The following CREB5 variants were observed in gnomAD, a reference collection of about 807,000 sequenced individuals.
CREB5 encodes the protein cAMP responsive element binding protein 5.
In CREB5, 19 loss-of-function variants were observed where a neutral mutation model predicts 57.1. That is an observed-to-expected ratio of 0.33 (90% confidence interval 0.23 to 0.49). CREB5 has a LOEUF of 0.49. CREB5 is among the 20% of genes least tolerant of loss of function. The pLI is 0.99. For missense variants in CREB5, 579 were observed against 671.6 expected, an observed-to-expected ratio of 0.86 and a Z score of 1.52; for synonymous variants, 238 against 238.3, an observed-to-expected ratio of 1.00 and a Z score of 0.01.
At chr7:28,650,599 C>G (rs189523153) in intron 5 of CREB5, among the ~76,000 whole-genome samples, 62 of 152,190 alleles carry the variant, frequency 4.1e-4, no homozygotes, top group South Asian at 4.2e-4. Context: ...CTTCCCCCCC[C>G]AACCTTCCAT....
intron 5 of CREB5, among the ~76,000 whole-genome samples, chr7:28,608,149 ACACACACT>A (rs1797234615): frequency 6.8e-6 from 1 of 146,250 alleles, no homozygotes; most frequent in African/African-American, 2.6e-5. Context: ...ACACACACAC[ACACACACT>A]CTCAAACTTT....
intron 9 of CREB5, among the ~76,000 whole-genome samples, chr7:28,814,275 A>G (rs762738967): frequency 1.4e-4 from 22 of 152,236 alleles, no homozygotes; most frequent in Non-Finnish European, 2.6e-4. Context: ...AATCCTTAAG[A>G]TGATTATGCA....
intron 4 of CREB5, among the ~76,000 whole-genome samples, chr7:28,545,605 A>C (rs190297632): frequency 3.3e-4 from 50 of 152,358 alleles, no homozygotes; most frequent in Non-Finnish European, 6.5e-4. Flanking sequence ...ATATGTATAT[A>C]TATTTTAAGT....
At chr7:28,691,126 A>G (rs1006238430) in intron 5 of CREB5, among the ~76,000 whole-genome samples, 9 of 152,204 alleles carry the variant, frequency 5.9e-5, no homozygotes, top group African/African-American at 2.2e-4. Flanking sequence ...GCTTGAATAA[A>G]AGAAGTTTGT....
intron 8 of CREB5, among the ~76,000 whole-genome samples, chr7:28,805,404 A>T (rs1200827594): frequency 1.3e-5 from 2 of 152,086 alleles, no homozygotes; most frequent in Admixed American, 1.3e-4. Context: ...AATGACTTTC[A>T]TCCATACCTT....
At chr7:28,542,580 G>A (rs145398046) in intron 4 of CREB5, among the ~76,000 whole-genome samples, 266 of 152,268 alleles carry the variant, frequency 1.7e-3, no homozygotes, top group Middle Eastern at 0.01. Flanking sequence ...GCACGGGTGT[G>A]TGTGTGAGTG....
chr7:28,462,833 T>C (rs992242994), intron 1 of CREB5, among the ~76,000 whole-genome samples: 3 of 152,180 alleles, frequency 2.0e-5, no homozygotes, highest in South Asian at 2.1e-4. Flanking sequence ...CTACCAGATA[T>C]ATGATTTGCA....
chr7:28,687,999 G>A lies in CREB5; in HGVS notation c.465-30754G>A, dbSNP rs146320184. On this transcript the variant is annotated intron_variant, in intron 5 of 10. Coordinates refer to ENST00000357727, the MANE Select transcript of CREB5 (RefSeq NM_182898.4). ...GTCTCTTTCCACTCGAAAGTTCTAT[G>A]TTTATATCCATGTTCTATACAAAAG... Among the ~76,000 whole-genome samples the A allele has an allele frequency of 2.9e-3, 440 of 152,266 alleles. 5 individuals carry two copies. The highest frequency in any genetic ancestry group is 0.01 in the African/African-American group (421 of 41,552).
chr7:28,356,133 C>T (rs552097019), intron 1 of CREB5, among the ~76,000 whole-genome samples: 3 of 152,286 alleles, frequency 2.0e-5, no homozygotes, highest in East Asian at 3.9e-4. Flanking sequence ...TAGGAAAGAA[C>T]GGCACTTTTC....
chr7:28,512,026 A>G (rs1792724460), intron 4 of CREB5, among the ~76,000 whole-genome samples: 1 of 152,142 alleles, frequency 6.6e-6, no homozygotes. Flanking sequence ...GATGGTTTAG[A>G]TTGGGAAGTA....
intron 1 of CREB5, among the ~76,000 whole-genome samples, chr7:28,343,374 A>T (rs900616933): frequency 3.9e-5 from 6 of 152,204 alleles, no homozygotes; most frequent in African/African-American, 1.4e-4. Flanking sequence ...AGACCCTGGT[A>T]ACCACTTTTC....
chr7:28,730,558 G>A (rs1175883881), intron 7 of CREB5, among the ~76,000 whole-genome samples: 1 of 152,124 alleles, frequency 6.6e-6, no homozygotes, highest in East Asian at 1.9e-4. Context: ...CATGCAGTTG[G>A]TAAAATATGG....
intron 5 of CREB5, among the ~76,000 whole-genome samples, chr7:28,673,964 T>C (rs762526181): frequency 6.6e-6 from 1 of 152,030 alleles, no homozygotes; most frequent in African/African-American, 2.4e-5. Context: ...GTGGCTGCCA[T>C]GTCCAACCAA....
chr7:28,734,112 G>A (rs1583635552), intron 7 of CREB5, among the ~76,000 whole-genome samples: 1 of 149,914 alleles, frequency 6.7e-6, no homozygotes, highest in African/African-American at 2.5e-5. Flanking sequence ...GACCCCTGGT[G>A]TGGCACCATC....
At chr7:28,671,261 GAA>G (rs565901522) in intron 5 of CREB5, among the ~76,000 whole-genome samples, 32 of 134,616 alleles carry the variant, frequency 2.4e-4, no homozygotes, top group Admixed American at 8.9e-4. Context: ...GTCTCAAAAA[GAA>G]AAAAAAAAAA....
At chr7:28,449,021 C>G (rs568363828) in intron 1 of CREB5, among the ~76,000 whole-genome samples, 107 of 152,254 alleles carry the variant, frequency 7.0e-4, no homozygotes, top group Middle Eastern at 3.4e-3. Flanking sequence ...TAAGCATTAC[C>G]TACTCCTCTT....
chr7:28,466,289 T>TCTCCAAGATAATGTC (rs1312531937), intron 1 of CREB5, among the ~76,000 whole-genome samples: 2 of 151,506 alleles, frequency 1.3e-5, no homozygotes, highest in African/African-American at 4.9e-5. Flanking sequence ...ATGATAATGT[T>TCTCCAAGATAATGTC]CTCCAAGATA....
chr7:28,342,919 C>T (rs1459376579), intron 1 of CREB5, among the ~76,000 whole-genome samples: 1 of 151,936 alleles, frequency 6.6e-6, no homozygotes, highest in Non-Finnish European at 1.5e-5. Context: ...ATCCTTTCTT[C>T]TGGCTATTTT....
At chr7:28,677,664 T>C (rs756258353) in intron 5 of CREB5, among the ~76,000 whole-genome samples, 8 of 152,210 alleles carry the variant, frequency 5.3e-5, no homozygotes, top group Non-Finnish European at 1.0e-4. Context: ...AAGAAAAGTA[T>C]ATTCTAACAC....
Sources: gnomAD v4.1 joint callset for allele counts (sites outside exome capture counted in the v4.1 genomes callset) on GRCh38, gnomAD v4.1.1 for gene constraint, MANE v1.5 for transcripts, NCBI Gene and HGNC (gene_info 2026-07-23, HGNC 2026-07-21) for gene names.